MYH7: variants seen among roughly 807,000 people sequenced by gnomAD.
The protein encoded by MYH7 is myosin-7.
In MYH7, 129 loss-of-function variants were observed where a neutral mutation model predicts 225.4. The ratio of observed to expected loss-of-function variants is 0.57; its 90% CI spans 0.50 to 0.66. MYH7 has a LOEUF of 0.66. Among genes scored for constraint, MYH7 ranks in the 30% least tolerant of loss-of-function variants. MYH7 has a pLI of 0.00. For missense variants in MYH7, 1,649 were observed against 2,517.0 expected, an observed-to-expected ratio of 0.66 and a Z score of 7.38; for synonymous variants, 971 against 1,007.6, an observed-to-expected ratio of 0.96 and a Z score of 0.69.
At chr14:23,417,083 C>A in intron 32 of MYH7, 70 bp downstream of exon 32, 1 of 1,613,950 alleles carries the variant, frequency 6.2e-7, no homozygotes, top group South Asian at 1.1e-5. Context: ...CCTCTTGGAG[C>A]CCTTGGGTGG....
intron 6 of MYH7, among the ~76,000 whole-genome samples, chr14:23,432,223 G>A (rs1892974926): frequency 6.6e-6 from 1 of 152,206 alleles, no homozygotes; most frequent in Non-Finnish European, 1.5e-5. Flanking sequence ...GCGATAATGA[G>A]CTTCTGGATA....
chr14:23,415,582 A>G lies in MYH7; in HGVS notation c.5157+47T>C. The G allele has an allele frequency of 6.2e-7, 1 of 1,613,728 alleles. No homozygotes were observed. Among genetic ancestry groups the G allele is most frequent in the Non-Finnish European group, 8.5e-7 (1 of 1,180,008 alleles). On this transcript the variant is annotated intron_variant, in intron 35 of 39. Coordinates refer to ENST00000355349, the MANE Select transcript of MYH7 (RefSeq NM_000257.4). The surrounding 1 kb of genome is among the most constrained non-coding windows in gnomAD (Gnocchi z 6.3). ...CATAGCTCTCAAGCCTTGCTTGCTGAGCCCCAGCCTGTGCTCCCTTCAGGA... is the reference window on the plus strand; with the variant it reads ...CATAGCTCTCAAGCCTTGCTTGCTGGGCCCCAGCCTGTGCTCCCTTCAGGA...
chr14:23,415,880 C>A lies in MYH7; in HGVS notation c.4954-48G>T. 6.2e-7 allele frequency: 1 copy of A among 1,613,746 alleles called. No homozygotes were observed. Among genetic ancestry groups the A allele is most frequent in the South Asian group, 1.1e-5 (1 of 91,018 alleles). ...TGAGCAGGGAGCCAGCCTCGGTTCC[C>A]TTCACTAAAGGCACCTGTCAGAGGT... is the stretch of plus-strand genomic sequence containing the variant. On this transcript the variant is annotated intron_variant, in intron 34 of 39. Coordinates refer to ENST00000355349, the MANE Select transcript of MYH7 (RefSeq NM_000257.4). The surrounding 1 kb of genome is among the most constrained non-coding windows in gnomAD (Gnocchi z 6.3).
chr14:23,418,429 A>C, intron 29 of MYH7, 23 bp from the exon 30 acceptor site: 1 of 1,591,250 alleles, frequency 6.3e-7, no homozygotes, highest in Non-Finnish European at 8.6e-7. Flanking sequence ...GGGCACCAGG[A>C]GGTGGGTTCA....
intron 10 of MYH7, 99 bp from the exon 11 acceptor site, chr14:23,430,762 C>G (rs1419323206): frequency 1.6e-5 from 21 of 1,315,040 alleles, no homozygotes; most frequent in Non-Finnish European, 2.1e-5. Flanking sequence ...CAGGACAGGG[C>G]TTGGCTTGGC....
Position 23,425,296 on chromosome 14 carries a change from C to T in MYH7, c.2409G>A (p.Lys803=). 1 of 1,614,182 alleles carries T rather than the reference C, an allele frequency of 6.2e-7. No individual in the cohort carries two copies. Among genetic ancestry groups the T allele is most frequent in the Non-Finnish European group, 8.5e-7 (1 of 1,180,034 alleles). ...AGATCTCTCACCTACGTTCCAGCAG[C>T]TTTTTGTACTCCATTCTGGCGAGCA... ...RGVLARMEYK[K]LLERRDSLLV... is the part of the protein sequence containing the mutation. The change falls in exon 21 of 40, where the codon AAG becomes AAA. Residue 803 remains lysine (K), a synonymous_variant. Transcript: ENST00000355349. This position sits in a 1 kb window ranked among gnomAD's most constrained non-coding sequence, Gnocchi z 4.6.
At position 23,423,917 on chromosome 14, in the gene MYH7, G is replaced by A; in HGVS notation, c.2912C>T (p.Thr971Ile). The A allele has an allele frequency of 6.2e-7, 1 of 1,614,058 alleles. No individual in the cohort carries two copies. Among genetic ancestry groups the A allele is most frequent in the Non-Finnish European group, 8.5e-7 (1 of 1,180,024 alleles). ...GGGAGCTGCCCTTACCTTGTTCTCT[G>A]TTGCGTGTTTCTCCTTCTCCACTTT... ...LAKVEKEKHA[T>I]ENKVKNLTEE... Residue 971 changes from threonine (T) to isoleucine (I), a missense_variant, in exon 23 of 40, where the codon ACA becomes ATA. Thr to Ile is a moderately conservative substitution (Grantham distance 89). Around this residue, in one of 12 missense-constraint regions of MYH7, gnomAD observed 282 missense variants for 315.3 expected, o/e 0.89. Transcript: ENST00000355349.
rs1440127169 is a variant in MYH7, at chr14:23,414,127, G to A, written c.5560-25C>T. Reference sequence around the variant, plus strand: ...TCTGGGGGCCAGAGGGTAGGCAGGGGGTGAAGATGGCACAGTCATAGAAGG... The same window carrying A: ...TCTGGGGGCCAGAGGGTAGGCAGGGAGTGAAGATGGCACAGTCATAGAAGG... On this transcript the variant is annotated intron_variant, in intron 37 of 39. Coordinates refer to ENST00000355349, the MANE Select transcript of MYH7 (RefSeq NM_000257.4). 6 of 1,599,864 alleles carry A rather than the reference G, an allele frequency of 3.8e-6. No homozygotes were observed. The South Asian group carries it at 5.5e-5, about 15-fold the overall frequency.
intron 33 of MYH7, among the ~76,000 whole-genome samples, 183 bp downstream of exon 33, chr14:23,416,685 G>GAGT (rs1892226328): frequency 6.6e-6 from 1 of 152,226 alleles, no homozygotes; most frequent in Non-Finnish European, 1.5e-5. Flanking sequence ...TATGTGAAGA[G>GAGT]AGTTCAGTGA....
rs1892886613 is a variant in MYH7, at chr14:23,430,557, C to T, written c.999+3G>A. The T allele has an allele frequency of 6.2e-7, 1 of 1,612,154 alleles. No individual in the cohort carries two copies. The highest frequency in any genetic ancestry group is 8.5e-7 in the Non-Finnish European group (1 of 1,178,412). On this transcript the variant is annotated splice_donor_region_variant and intron_variant, in intron 11 of 39. Transcript: ENST00000355349. ...CCCCCTGGCTGGGTCCTCACACACT[C>T]ACATCAGTGGCCATGAGCTCCTCAG...
rs747382784 is a variant in MYH7 at position 23,426,066 on chromosome 14, G to T, written c.2060C>A (p.Pro687His). ...GCAGCGCAGCTGGTGCATGACCAGGGGGTTGTCCATCACCCCTGTGGCAAG... is the reference window on the plus strand; with the variant it reads ...GCAGCGCAGCTGGTGCATGACCAGGTGGTTGTCCATCACCCCTGTGGCAAG... ...ETKSPGVMDN[P>H]LVMHQLRCNG... is the part of the protein sequence containing the mutation. Residue 687 changes from proline to histidine, a missense_variant, in exon 19 of 40, where the codon CCC (proline) becomes CAC (histidine). Coordinates refer to ENST00000355349, the MANE Select transcript of MYH7 (RefSeq NM_000257.4). 1.9e-6 allele frequency: 3 copies of T among 1,614,064 alleles called. No homozygotes were observed. The highest frequency in any genetic ancestry group is 4.5e-5 in the East Asian group (2 of 44,900).
Position 23,413,975 on chromosome 14 carries a change from C to T in MYH7, c.5655+32G>A, listed in dbSNP as rs3729833. 247,047 of 1,613,918 alleles carry T rather than the reference C, an allele frequency of 0.15. 21,580 individuals are homozygous for T. The highest frequency in any genetic ancestry group is 0.32 in the African/African-American group (23,841 of 74,962). Reference sequence around the variant, plus strand: ...TGGGGGACGAGCTCTCCTATGCCTCCCCTGGGCCTAGTCCCCAGCAGGGTC... The same window carrying T: ...TGGGGGACGAGCTCTCCTATGCCTCTCCTGGGCCTAGTCCCCAGCAGGGTC... On this transcript the variant is annotated intron_variant, in intron 38 of 39. Coordinates refer to ENST00000355349, the MANE Select transcript of MYH7 (RefSeq NM_000257.4).
Position 23,432,489 on chromosome 14 carries a change from T to C in MYH7, c.520A>G (p.Ile174Val). 2 of 1,614,000 alleles carry C rather than the reference T, an allele frequency of 1.2e-6. No individual in the cohort carries two copies. Among genetic ancestry groups the C allele is most frequent in the Non-Finnish European group, 1.7e-6 (2 of 1,179,978 alleles). Residue 174 changes from isoleucine to valine, a missense_variant, in exon 6 of 40, where the codon ATC becomes GTC. Around this residue, in one of 12 missense-constraint regions of MYH7, gnomAD observed 77 missense variants for 144.0 expected, o/e 0.53. Coordinates refer to ENST00000355349, the MANE Select transcript of MYH7 (RefSeq NM_000257.4). ...AGCAGCTACACTCACGTGATCAGGATGGACTGGTTTTCTCTGTCTGTGGGG... is the reference window on the plus strand; with the variant it reads ...AGCAGCTACACTCACGTGATCAGGACGGACTGGTTTTCTCTGTCTGTGGGG... ...YMLTDRENQSILITGESGAGK... is the reference protein window; with the variant it reads ...YMLTDRENQSVLITGESGAGK...
intron 1 of MYH7, among the ~76,000 whole-genome samples, chr14:23,434,985 A>G (rs1024551842): frequency 6.6e-6 from 1 of 151,636 alleles, no homozygotes; most frequent in Non-Finnish European, 1.5e-5. Flanking sequence ...GCAAATGTGC[A>G]CATTTCAGGA....
chr14:23,424,120 C>A lies in MYH7; in HGVS notation c.2709G>T (p.Glu903Asp), dbSNP rs773468693. ...TGTTTTTGATCAGCTGATCACAGCG[C>A]TCCTCAGCATCTGCCAGGTTGTCTT... is the stretch of plus-strand genomic sequence containing the variant. ...AEQDNLADAEERCDQLIKNKI... is the reference protein window; with the variant it reads ...AEQDNLADAEDRCDQLIKNKI... The change falls in exon 23 of 40, where the codon GAG becomes GAT. Residue 903 changes from glutamate to aspartate, a missense_variant. Glu to Asp is a conservative substitution (Grantham distance 45, BLOSUM62 2). Around this residue, in one of 12 missense-constraint regions of MYH7, gnomAD observed 282 missense variants for 315.3 expected, o/e 0.89. Coordinates refer to ENST00000355349, the MANE Select transcript of MYH7 (RefSeq NM_000257.4). The A allele has an allele frequency of 6.2e-7, 1 of 1,614,220 alleles. No homozygotes were observed. Among genetic ancestry groups the A allele is most frequent in the African/African-American group, 1.3e-5 (1 of 75,046 alleles).
chr14:23,420,984 G>C lies in MYH7; in HGVS notation c.3310C>G (p.Leu1104Val), dbSNP rs747677662. Residue 1104 changes from leucine (L) to valine (V), a missense_variant, in exon 26 of 40, where the codon CTG becomes GTG. Leu to Val is a conservative substitution (Grantham distance 32, BLOSUM62 1). Coordinates refer to ENST00000355349, the MANE Select transcript of MYH7 (RefSeq NM_000257.4). ...TGAAGCTCCTTGAGCTTCTTCTGCA[G>C]CTGGCTGCCGAGGGCCTGTTCATCC... ...IEDEQALGSQ[L>V]QKKLKELQAR... 1 of 1,612,412 alleles carries C rather than the reference G, an allele frequency of 6.2e-7. No individual in the cohort carries two copies. The highest frequency in any genetic ancestry group is 1.3e-5 in the African/African-American group (1 of 74,970).
chr14:23,415,584 CCCCAGCCTGTGCT>C lies in MYH7; in HGVS notation c.5157+32_5157+44del, dbSNP rs1566523120. On this transcript the variant is annotated intron_variant, in intron 35 of 39. Coordinates refer to ENST00000355349, the MANE Select transcript of MYH7 (RefSeq NM_000257.4). The surrounding 1 kb of genome is among the most constrained non-coding windows in gnomAD (Gnocchi z 6.3). The stretch of plus-strand genomic sequence containing the variant: ...TAGCTCTCAAGCCTTGCTTGCTGAG[CCCCAGCCTGTGCT>C]CCCTTCAGGAATGAGCAGGGGAGCT... The C allele has an allele frequency of 5.0e-6, 8 of 1,613,680 alleles. No homozygotes were observed. The highest frequency in any genetic ancestry group is 5.1e-6 in the Non-Finnish European group (6 of 1,180,020).
intron 29 of MYH7, among the ~76,000 whole-genome samples, chr14:23,418,880 T>C (rs938364738): frequency 2.6e-5 from 4 of 152,108 alleles, no homozygotes; most frequent in Non-Finnish European, 5.9e-5. Flanking sequence ...CAGGACCCAT[T>C]TGTGCAGTCC....
chr14:23,433,260 GC>G lies in MYH7; in HGVS notation c.202-34del. On this transcript the variant is annotated intron_variant, in intron 3 of 39. Coordinates refer to ENST00000355349, the MANE Select transcript of MYH7 (RefSeq NM_000257.4). This position sits in a 1 kb window ranked among gnomAD's most constrained non-coding sequence, Gnocchi z 4.1. ...AGCCCCCACCCAAGCCCTCCTGTCA[GC>G]CTGGGCTTTCCCTCCTTCCTCAAGA... 1 of 1,614,066 alleles carries G rather than the reference GC, an allele frequency of 6.2e-7. No homozygotes were observed. The highest frequency in any genetic ancestry group is 8.5e-7 in the Non-Finnish European group (1 of 1,179,990).
Sources: gnomAD v4.1 joint callset for allele counts (sites outside exome capture counted in the v4.1 genomes callset) on GRCh38, gnomAD v4.1.1 for gene constraint, gnomAD v4.1.1 regional missense constraint, Gnocchi (gnomAD v3.1) non-coding constraint, MANE v1.5 for transcripts, NCBI Gene and HGNC (gene_info 2026-07-23, HGNC 2026-07-21) for gene names.